The following MTERF4 variants were observed in gnomAD, a reference collection of about 807,000 sequenced individuals.
MTERF4 encodes mitochondrial transcription termination factor 4, also known as transcription termination factor 4, mitochondrial.
Under a neutral mutation model 22.5 loss-of-function variants are expected in MTERF4, and 17 were observed. That is an observed-to-expected ratio of 0.75 (90% confidence interval 0.52 to 1.13). The LOEUF is 1.13. Among genes scored for constraint, MTERF4 ranks in the 50% most tolerant of loss-of-function variants. The probability of loss-of-function intolerance (pLI) is 0.00; values close to 1 mark genes in which losing one functional copy is unlikely to be tolerated. For synonymous variants in MTERF4, 165 were observed against 175.3 expected, an observed-to-expected ratio of 0.94 and a Z score of 0.47; for missense variants, 420 against 466.8, an observed-to-expected ratio of 0.90 and a Z score of 0.92.
chr2:241,049,951 G>A, the MTERF4 span: 7 of 1,589,432 alleles, frequency 4.4e-6, no homozygotes, highest in South Asian at 1.1e-5. Flanking sequence ...GGGCAGGGGC[G>A]TCCGGGCCGG....
the MTERF4 span, among the ~76,000 whole-genome samples, chr2:241,043,605 G>A: frequency 0.038 from 5,759 of 152,230 alleles, 660 homozygotes; most frequent in East Asian, 0.26. Context: ...TGATAAATAT[G>A]TGGGTTGAAG....
chr2:241,058,174 C>T, the MTERF4 span, among the ~76,000 whole-genome samples: 7 of 152,100 alleles, frequency 4.6e-5, no homozygotes, highest in East Asian at 1.9e-4. Context: ...GAGTATAAGA[C>T]GAAAAGCATC....
the MTERF4 span, chr2:241,053,057 T>C: frequency 2.5e-6 from 3 of 1,211,006 alleles, no homozygotes; most frequent in African/African-American, 3.0e-5. Context: ...GAGCAGGACA[T>C]CCCTGGGCCC....
chr2:241,065,217 G>A, the MTERF4 span: 7,360 of 1,465,794 alleles, frequency 5.0e-3, 318 homozygotes, highest in African/African-American at 0.091. Context: ...AGCCAGACCC[G>A]GCTGAGCCGC....
Position 241,073,241 on chromosome 2 carries a change from G to A in MTERF4, n.2921C>T, listed in dbSNP as rs2062829404. The A allele has an allele frequency of 6.5e-7, 1 of 1,535,024 alleles. No homozygotes were observed. The highest frequency in any genetic ancestry group is 1.2e-5 in the South Asian group (1 of 83,806). On this transcript the variant is annotated non_coding_transcript_exon_variant, in exon 5 of 5. Coordinates refer to the MTERF4 transcript ENST00000464344. The surrounding 1 kb of genome is among the most constrained non-coding windows in gnomAD (Gnocchi z 6.6). ...CCCGGGTGCAAAGCAGCTGCGCCGT[G>A]TGGTCACCGCCTGGCTTCTCCTAGA...
downstream of MTERF4, chr2:241,090,581 C>T: frequency 2.0e-6 from 2 of 1,000,010 alleles, no homozygotes; most frequent in South Asian, 3.2e-5. Context: ...GGTTTGTATA[C>T]ACCAGCATCA....
downstream of MTERF4, among the ~76,000 whole-genome samples, chr2:241,069,264 G>A (rs1575048002): frequency 6.6e-6 from 1 of 152,208 alleles, no homozygotes; most frequent in African/African-American, 2.4e-5. The surrounding 1 kb of genome is among the most constrained non-coding windows in gnomAD (Gnocchi z 4.9). Flanking sequence ...TAGCTCCTCA[G>A]CATGGAGTTC....
chr2:241,073,136 C>G lies in MTERF4; in HGVS notation n.3026G>C. 2 of 664,720 alleles carry G rather than the reference C, an allele frequency of 3.0e-6. No homozygotes were observed. The highest frequency in any genetic ancestry group is 5.1e-6 in the Non-Finnish European group (2 of 388,678). 41.2% of individuals were successfully genotyped at this position (664,720 alleles called of 1,614,324 possible). A position where few individuals can be genotyped will look rare whatever the true frequency, so the allele number is the denominator to read the frequency against. ...CTGGGGCCGACAGGTGCTGGGGCCA[C>G]GCAGGGAGCCTGGTCCCCACCAGGG... On this transcript the variant is annotated non_coding_transcript_exon_variant, in exon 5 of 5. Transcript: ENST00000464344. This position sits in a 1 kb window ranked among gnomAD's most constrained non-coding sequence, Gnocchi z 6.6.
chr2:241,078,907 A>T (rs1170316878), intron 4 of MTERF4, among the ~76,000 whole-genome samples: 1 of 151,600 alleles, frequency 6.6e-6, no homozygotes, highest in Non-Finnish European at 1.5e-5. Context: ...TGAGGTCAGG[A>T]GTTCGAGACC....
downstream of MTERF4, chr2:241,069,848 T>C: frequency 6.5e-7 from 1 of 1,539,844 alleles, no homozygotes; most frequent in Non-Finnish European, 8.8e-7. The surrounding 1 kb of genome is among the most constrained non-coding windows in gnomAD (Gnocchi z 4.9). Flanking sequence ...CCATGTCCGG[T>C]TCTCAAACCG....
the MTERF4 span, among the ~76,000 whole-genome samples, chr2:241,044,617 C>T: frequency 6.6e-6 from 1 of 152,232 alleles, no homozygotes; most frequent in Non-Finnish European, 1.5e-5. Flanking sequence ...GGCATCCACA[C>T]GGACAGAAAG....
rs1450803262 is a variant in MTERF4 at position 241,081,614 on chromosome 2, T to C, written n.480-5932A>G. On this transcript the variant is annotated intron_variant and non_coding_transcript_variant, in intron 4 of 4. Transcript: ENST00000464344. ...GGTCATCAAGGAAGGGACAGCAACA[T>C]GTCCATGAGGCAGGCCTGTCCTGGG... The C allele has an allele frequency of 5.7e-6, 7 of 1,223,740 alleles. No individual in the cohort carries two copies. The Middle Eastern group carries it at 5.5e-4, about 97-fold the overall frequency. The allele number at this position is 1,223,740 out of a possible 1,614,324, so 75.8% of individuals were successfully genotyped here. A position where few individuals can be genotyped will look rare whatever the true frequency, so the allele number is the denominator to read the frequency against.
downstream of MTERF4, chr2:241,087,225 A>T: frequency 1.6e-6 from 1 of 608,128 alleles, no homozygotes; most frequent in Non-Finnish European, 2.9e-6. Context: ...CATGACCTTT[A>T]TGTTAGACAT....
chr2:241,049,697 T>C, the MTERF4 span: 9 of 687,960 alleles, frequency 1.3e-5, no homozygotes, highest in Non-Finnish European at 2.0e-5. Context: ...GTATTTTCAG[T>C]GGCCTTGGTT....
chr2:241,089,856 G>A (rs538422593), downstream of MTERF4: 92 of 1,440,910 alleles, frequency 6.4e-5, no homozygotes, highest in South Asian at 7.0e-4. Flanking sequence ...CCATGCTCCC[G>A]GGCTACACAC....
chr2:241,066,579 G>A, the MTERF4 span, among the ~76,000 whole-genome samples: 1 of 151,092 alleles, frequency 6.6e-6, no homozygotes, highest in Non-Finnish European at 1.5e-5. Flanking sequence ...GAGGCTCGAG[G>A]AAAGAGGAAA....
chr2:241,102,254 T>C lies in MTERF4; in HGVS notation c.20A>G (p.Gln7Arg), dbSNP rs1344093081. The part of the protein sequence containing the change: MAAFGR[Q>R]VLDWHRLIPL... Reference sequence around the variant, plus strand: ...CCCGCGCGCCCAGCTCGAGCTTACCTGACGGCCGAACGCAGCCATAGCGCG... The same window carrying C: ...CCCGCGCGCCCAGCTCGAGCTTACCCGACGGCCGAACGCAGCCATAGCGCG... Residue 7 changes from glutamine to arginine, a missense_variant and splice_region_variant, in exon 1 of 4, where the codon CAG becomes CGG. Gln to Arg is a conservative substitution (Grantham distance 43). Coordinates refer to ENST00000391980, the MANE Select transcript of MTERF4 (RefSeq NM_182501.4). 3 of 1,549,394 alleles carry C rather than the reference T, an allele frequency of 1.9e-6. No homozygotes were observed. The highest frequency in any genetic ancestry group is 3.3e-4 in the Middle Eastern group (2 of 5,984).
At chr2:241,052,709 GCAGGGTACATGGGATACCAGT>G in the MTERF4 span, among the ~76,000 whole-genome samples, 2 of 90,664 alleles carry the variant, frequency 2.2e-5, no homozygotes, top group African/African-American at 5.0e-5. Flanking sequence ...GGGGGGTCAA[GCAGGGTACATGGGATACCAGT>G]GCCAGGCAGG....
exon 5 of MTERF4, chr2:241,072,997 A>G: frequency 2.0e-6 from 1 of 494,284 alleles, no homozygotes; most frequent in Non-Finnish European, 3.6e-6. Flanking sequence ...GCCTCTCAGC[A>G]TGATCAGTGG....
Sources: allele counts gnomAD v4.1 joint callset (sites outside exome capture counted in the v4.1 genomes callset), GRCh38; gene constraint gnomAD v4.1.1; non-coding constraint Gnocchi (gnomAD v3.1); transcripts MANE v1.5; gene names NCBI Gene and HGNC (gene_info 2026-07-23, HGNC 2026-07-21).